PPIL1: variants seen among roughly 807,000 people sequenced by gnomAD.
PPIL1 encodes peptidylprolyl isomerase like 1.
In PPIL1, 14 loss-of-function variants were observed where a neutral mutation model predicts 19.4. The observed-to-expected ratio is 0.72, with a 90% CI of 0.48 to 1.13. PPIL1 has a LOEUF of 1.13. Ranked by LOEUF, PPIL1 falls within the 50% of genes most tolerant of loss-of-function variation. The pLI is 0.00. For synonymous variants in PPIL1, 72 were observed against 73.6 expected (o/e 0.98, Z 0.11); for missense variants, 192 against 218.0 (o/e 0.88, Z 0.75).
In PPIL1 at chr6:36,854,838, T is replaced by C; in HGVS notation, c.*975A>G. On this transcript the variant is annotated 3_prime_UTR_variant, in exon 4 of 4. Transcript: ENST00000373699. ...CAGACCACAGCAGCAATTTCAACCA[T>C]CAATGGCATTTTATTGTGGAAGTTT... 1 of 152,662 alleles carries C rather than the reference T, an allele frequency of 6.6e-6. No homozygotes were observed. The highest frequency in any genetic ancestry group is 6.5e-5 in the Admixed American group (1 of 15,284). 9.5% of individuals were successfully genotyped at this position (152,662 alleles called of 1,614,324 possible). A position where few individuals can be genotyped will look rare whatever the true frequency, so the allele number is the denominator to read the frequency against.
At chr6:36,858,095 A>G (rs1018509428) in intron 2 of PPIL1, among the ~76,000 whole-genome samples, 1 of 150,600 alleles carries the variant, frequency 6.6e-6, no homozygotes, top group African/African-American at 2.4e-5. Flanking sequence ...TTAGCCAGGC[A>G]TGGTGGCACA....
intron 2 of PPIL1, among the ~76,000 whole-genome samples, chr6:36,859,618 T>C (rs1774238730): frequency 6.6e-6 from 1 of 152,108 alleles, no homozygotes; most frequent in Admixed American, 6.5e-5. Context: ...ATCATTCTAA[T>C]TCAAACATTC....
rs749989148 is a variant in PPIL1, at chr6:36,856,587, C to T, written c.279G>A (p.Thr93=). The change falls in exon 3 of 4, where the codon ACG becomes ACA. Residue 93 remains threonine, a splice_region_variant and synonymous_variant. Coordinates refer to ENST00000373699, the MANE Select transcript of PPIL1 (RefSeq NM_016059.5). ...EDELHPDLKF[T]GAGILAMANA... is the part of the protein sequence containing the mutation. ...AGTCCAGCCAAATTATACACTTACC[C>T]GTGAATTTCAAGTCTGGATGAAGTT... 39 of 1,613,730 alleles carry T rather than the reference C, an allele frequency of 2.4e-5. No homozygotes were observed. The highest frequency in any genetic ancestry group is 3.0e-5 in the Non-Finnish European group (35 of 1,179,628).
At chr6:36,865,467 G>A (rs892061843) in intron 2 of PPIL1, among the ~76,000 whole-genome samples, 2 of 152,268 alleles carry the variant, frequency 1.3e-5, no homozygotes, top group Admixed American at 6.5e-5. Context: ...AGGTGGCTGG[G>A]TGATGTCACA....
intron 2 of PPIL1, among the ~76,000 whole-genome samples, chr6:36,859,045 C>T (rs1287697446): frequency 6.6e-6 from 1 of 152,126 alleles, no homozygotes; most frequent in Non-Finnish European, 1.5e-5. Context: ...CCAGAACAAA[C>T]CCCCCAGGAC....
At chr6:36,857,076 C>T (rs1774182932) in intron 2 of PPIL1, among the ~76,000 whole-genome samples, 1 of 152,158 alleles carries the variant, frequency 6.6e-6, no homozygotes, top group African/African-American at 2.4e-5. Context: ...AGTCCTATCC[C>T]TGTGCCCATC....
intron 2 of PPIL1, among the ~76,000 whole-genome samples, chr6:36,863,950 C>A (rs763805203): frequency 6.6e-6 from 1 of 151,920 alleles, no homozygotes; most frequent in African/African-American, 2.4e-5. Flanking sequence ...CTCAGGCCTG[C>A]GCTGCTGTGT....
chr6:36,855,628 G>C lies in PPIL1; in HGVS notation c.*185C>G, dbSNP rs541134865. ...AAATGCTCTGGCAACCTAGGCACTG[G>C]GGGAAGAGAAAAGAAGCATCCTATT... is the stretch of plus-strand genomic sequence containing the variant. On this transcript the variant is annotated 3_prime_UTR_variant, in exon 4 of 4. Coordinates refer to ENST00000373699, the MANE Select transcript of PPIL1 (RefSeq NM_016059.5). 1 of 625,040 alleles carries C rather than the reference G, an allele frequency of 1.6e-6. No homozygotes were observed. Among genetic ancestry groups the C allele is most frequent in the Non-Finnish European group, 2.8e-6 (1 of 359,312 alleles). 38.7% of individuals were successfully genotyped at this position (625,040 alleles called of 1,614,324 possible).
chr6:36,863,713 C>T (rs1053203584), intron 2 of PPIL1, among the ~76,000 whole-genome samples: 1 of 152,078 alleles, frequency 6.6e-6, no homozygotes, highest in Non-Finnish European at 1.5e-5. Flanking sequence ...GACTTTCGCC[C>T]CTCACCGCTC....
chr6:36,856,217 G>C (rs912343939), intron 3 of PPIL1, among the ~76,000 whole-genome samples, 184 bp from the exon 4 acceptor site: 1 of 152,142 alleles, frequency 6.6e-6, no homozygotes, highest in Non-Finnish European at 1.5e-5. Flanking sequence ...CTATTCTGGC[G>C]ACTTCATCTT....
intron 3 of PPIL1, among the ~76,000 whole-genome samples, 184 bp from the exon 4 acceptor site, chr6:36,856,217 G>A (rs912343939): frequency 1.4e-4 from 21 of 152,142 alleles, no homozygotes; most frequent in African/African-American, 2.2e-4. Flanking sequence ...CTATTCTGGC[G>A]ACTTCATCTT....
chr6:36,863,278 A>C (rs1363577465), intron 2 of PPIL1, among the ~76,000 whole-genome samples: 1 of 152,022 alleles, frequency 6.6e-6, no homozygotes, highest in African/African-American at 2.4e-5. Flanking sequence ...GCTGCTGCTC[A>C]CTCTTTGAGG....
At chr6:36,859,844 T>TGTGTGTGTGTGTG (rs1554132501) in intron 2 of PPIL1, among the ~76,000 whole-genome samples, 7 of 150,244 alleles carry the variant, frequency 4.7e-5, no homozygotes, top group East Asian at 3.9e-4. Context: ...TGTGTGTGTG[T>TGTGTGTGTGTGTG]TTTGAGACAG....
intron 2 of PPIL1, among the ~76,000 whole-genome samples, chr6:36,865,489 A>G (rs1215802054): frequency 6.6e-6 from 1 of 152,172 alleles, no homozygotes; most frequent in Non-Finnish European, 1.5e-5. Context: ...GAGCCAGTCT[A>G]GAGTGGAAGA....
chr6:36,872,775 T>C (rs1321507952), intron 1 of PPIL1, among the ~76,000 whole-genome samples: 1 of 152,126 alleles, frequency 6.6e-6, no homozygotes, highest in African/African-American at 2.4e-5. Flanking sequence ...GCTCAGCTAA[T>C]TTGTTGTATT....
In PPIL1 at chr6:36,855,945, G is replaced by C; in HGVS notation, c.369C>G (p.Asp123Glu). The change falls in exon 4 of 4, where the codon GAC becomes GAG. Residue 123 changes from aspartate (D) to glutamate (E), a missense_variant. Asp to Glu is a conservative substitution (Grantham distance 45, BLOSUM62 2). Transcript: ENST00000373699. Reference protein sequence around the residue: ...FVTLAPTQWLDGKHTIFGRVC... With the variant: ...FVTLAPTQWLEGKHTIFGRVC... ...CTCGGCCAAAAATGGTGTGTTTGCC[G>C]TCAAGCCACTGGGTGGGGGCGAGGG... 2 of 1,614,160 alleles carry C rather than the reference G, an allele frequency of 1.2e-6. No individual in the cohort carries two copies. The highest frequency in any genetic ancestry group is 1.7e-6 in the Non-Finnish European group (2 of 1,180,026).
intron 2 of PPIL1, among the ~76,000 whole-genome samples, chr6:36,868,533 A>G (rs1396336471): frequency 6.6e-6 from 1 of 152,192 alleles, no homozygotes; most frequent in Non-Finnish European, 1.5e-5. Flanking sequence ...ATTCTCCAAA[A>G]CCATATTCAA....
chr6:36,859,424 CAAAAA>C (rs36097489), intron 2 of PPIL1, among the ~76,000 whole-genome samples: 2 of 73,210 alleles, frequency 2.7e-5, no homozygotes, highest in African/African-American at 5.7e-5. Flanking sequence ...GACCCTGTCT[CAAAAA>C]AAAAAAAAAA....
chr6:36,867,939 A>G (rs1037038543), intron 2 of PPIL1, among the ~76,000 whole-genome samples: 52 of 152,222 alleles, frequency 3.4e-4, no homozygotes, highest in African/African-American at 1.2e-3. Context: ...AGGTGGGGAT[A>G]ATGTAGGTGT....
Sources: allele counts gnomAD v4.1 joint callset (sites outside exome capture counted in the v4.1 genomes callset), GRCh38; gene constraint gnomAD v4.1.1; transcripts MANE v1.5; gene names NCBI Gene and HGNC (gene_info 2026-07-23, HGNC 2026-07-21).